Variants in CDS1 observed in about 807,000 individuals in gnomAD.
The protein encoded by CDS1 is phosphatidate cytidylyltransferase 1.
A neutral mutation model predicts 62.1 loss-of-function variants in CDS1; 41 were observed. The observed-to-expected ratio is 0.66, with a 90% CI of 0.51 to 0.86. The LOEUF (loss-of-function observed/expected upper bound fraction) is 0.86, where lower values mean the gene tolerates loss of function less well. Ranked by LOEUF, CDS1 falls within the 40% of genes least tolerant of loss-of-function variation. CDS1 has a pLI of 0.00. For missense variants in CDS1, 470 were observed against 550.1 expected (o/e 0.85, Z 1.46); for synonymous variants, 185 against 192.6 (o/e 0.96, Z 0.32).
At chr4:84,584,827 T>A (rs1294047279) in intron 1 of CDS1, among the ~76,000 whole-genome samples, 1 of 152,206 alleles carries the variant, frequency 6.6e-6, no homozygotes, top group Non-Finnish European at 1.5e-5. Flanking sequence ...ACCCAAAATA[T>A]AACAATTTCC....
intron 7 of CDS1, 30 bp from the exon 8 acceptor site, chr4:84,635,234 G>A (rs780249664): frequency 1.7e-6 from 2 of 1,148,282 alleles, no homozygotes; most frequent in African/African-American, 1.6e-5. Context: ...ACTTTTTTCT[G>A]CTGACTTTTT....
At position 84,583,466 on chromosome 4, in the gene CDS1, G is replaced by A. The variant is rs1485193726; in HGVS notation, c.65G>A (p.Arg22His). 3.8e-6 allele frequency: 6 copies of A among 1,578,320 alleles called. No homozygotes were observed. Among genetic ancestry groups the A allele is most frequent in the Middle Eastern group, 1.7e-4 (1 of 6,012 alleles). Residue 22 changes from arginine (R) to histidine (H), a missense_variant, in exon 1 of 13, where the codon CGC becomes CAC. This residue lies in a region of CDS1 where 150 missense variants were observed against 142.0 expected (regional missense o/e 1.06). Coordinates refer to ENST00000295887, the MANE Select transcript of CDS1 (RefSeq NM_001263.4). ...GPREAVSPPHREGEAAGGDHE... is the reference protein window; with the variant it reads ...GPREAVSPPHHEGEAAGGDHE... ...AGGGAAGCGGTGTCGCCGCCACACC[G>A]CGAGGGAGAGGCGGCCGGCGGCGAC... is the stretch of plus-strand genomic sequence containing the variant.
chr4:84,614,505 C>T lies in CDS1; in HGVS notation c.343-3059C>T, dbSNP rs544895542. On this transcript the variant is annotated intron_variant, in intron 3 of 12. Transcript: ENST00000295887. ...ATGAACATATTAGAACATAAATATG[C>T]TCTAACTTTATATGTGGGAGTATTT... 5.3e-5 allele frequency among the ~76,000 whole-genome samples: 8 copies of T among 152,040 alleles called. No individual in the cohort carries two copies. In the South Asian group the frequency reaches 1.2e-3, roughly 24 times the overall value.
intron 1 of CDS1, among the ~76,000 whole-genome samples, chr4:84,592,474 A>T (rs556704511): frequency 2.6e-5 from 4 of 152,214 alleles, no homozygotes; most frequent in Non-Finnish European, 4.4e-5. Context: ...TGCCCAGCCA[A>T]CCAATTGGTT....
chr4:84,591,798 T>C (rs1057407740), intron 1 of CDS1, among the ~76,000 whole-genome samples: 1 of 152,172 alleles, frequency 6.6e-6, no homozygotes, highest in Non-Finnish European at 1.5e-5. Flanking sequence ...ATCAGATGTG[T>C]GGTCCTAAAT....
intron 8 of CDS1, among the ~76,000 whole-genome samples, chr4:84,635,616 TGCCTGCCTGCCTTCCTTCCTTCCTTCC>T (rs1724165466): frequency 1.9e-5 from 2 of 106,044 alleles, no homozygotes; most frequent in Non-Finnish European, 3.9e-5. Flanking sequence ...CCTGCCTGCC[TGCCTGCCTGCCTTCCTTCCTTCCTTCC>T]TTCCTTCCTT....
At chr4:84,593,516 T>C (rs1722655671) in intron 1 of CDS1, among the ~76,000 whole-genome samples, 2 of 151,778 alleles carry the variant, frequency 1.3e-5, no homozygotes, top group Admixed American at 6.6e-5. Flanking sequence ...GTTTTTTTTT[T>C]CTCGTTTAGA....
intron 2 of CDS1, among the ~76,000 whole-genome samples, chr4:84,607,041 T>C (rs971355977): frequency 6.6e-6 from 1 of 152,194 alleles, no homozygotes; most frequent in African/African-American, 2.4e-5. Flanking sequence ...TGCCTCATGC[T>C]CATGCTCTCA....
intron 2 of CDS1, among the ~76,000 whole-genome samples, chr4:84,607,671 G>A (rs1232938050): frequency 6.6e-6 from 1 of 151,934 alleles, no homozygotes; most frequent in Non-Finnish European, 1.5e-5. Flanking sequence ...CAAGGCAGGA[G>A]GATCACTTGA....
intron 11 of CDS1, among the ~76,000 whole-genome samples, chr4:84,644,818 A>C (rs1161049908): frequency 6.6e-6 from 1 of 152,238 alleles, no homozygotes; most frequent in Non-Finnish European, 1.5e-5. Flanking sequence ...AGGATAAACA[A>C]GTTAGAACCA....
At position 84,649,002 on chromosome 4, in the gene CDS1, G is replaced by A; in HGVS notation, c.*316G>A. 1 of 185,240 alleles carries A rather than the reference G, an allele frequency of 5.4e-6. No individual in the cohort carries two copies. Among genetic ancestry groups the A allele is most frequent in the Non-Finnish European group, 1.1e-5 (1 of 90,026 alleles). The allele number at this position is 185,240 out of a possible 1,614,324, so 11.5% of individuals were successfully genotyped here. On this transcript the variant is annotated 3_prime_UTR_variant, in exon 13 of 13. Transcript: ENST00000295887. ...AAAAGAGTCAAACACTATAAAATGA[G>A]TAAGTTGACGATGTTTTAAGATTGC...
chr4:84,615,337 C>T (rs1293792075), intron 3 of CDS1, among the ~76,000 whole-genome samples: 6 of 152,036 alleles, frequency 3.9e-5, no homozygotes, highest in African/African-American at 1.4e-4. Context: ...CTTGTCACCG[C>T]CCCAGCCCAC....
chr4:84,602,283 T>C (rs547816090), intron 1 of CDS1, among the ~76,000 whole-genome samples: 1 of 152,204 alleles, frequency 6.6e-6, no homozygotes, highest in African/African-American at 2.4e-5. Context: ...AAAATAGAAA[T>C]CAGAAGCTTA....
chr4:84,609,392 G>A (rs1723244011), intron 2 of CDS1, 37 bp from the exon 3 acceptor site: 1 of 1,336,658 alleles, frequency 7.5e-7, no homozygotes, highest in African/African-American at 1.4e-5. Flanking sequence ...AAAACCTTAA[G>A]AACACGTTAA....
At chr4:84,646,746 T>G (rs543685824) in intron 12 of CDS1, among the ~76,000 whole-genome samples, 1 of 152,190 alleles carries the variant, frequency 6.6e-6, no homozygotes, top group South Asian at 2.1e-4. Flanking sequence ...TCTGTAGTTT[T>G]GGGTTGTAGT....
chr4:84,638,425 T>C (rs1294424186), intron 8 of CDS1, among the ~76,000 whole-genome samples: 3 of 152,196 alleles, frequency 2.0e-5, no homozygotes, highest in African/African-American at 4.8e-5. Context: ...TGTGTGTATA[T>C]AGCATATTAG....
At chr4:84,646,679 A>C (rs1271302720) in intron 12 of CDS1, among the ~76,000 whole-genome samples, 1 of 152,136 alleles carries the variant, frequency 6.6e-6, no homozygotes, top group Non-Finnish European at 1.5e-5. Context: ...TTTGAGATCT[A>C]TTCTGTGGTA....
intron 10 of CDS1, among the ~76,000 whole-genome samples, chr4:84,642,729 A>G (rs1578055441): frequency 6.6e-6 from 1 of 152,184 alleles, no homozygotes. Context: ...GATTCTTTGT[A>G]AGAAGTAAAG....
chr4:84,605,940 T>C (rs911174882), intron 2 of CDS1, among the ~76,000 whole-genome samples: 1 of 152,158 alleles, frequency 6.6e-6, no homozygotes, highest in Non-Finnish European at 1.5e-5. Flanking sequence ...GGACCCACAT[T>C]CTGAACCTAG....
Sources: gnomAD v4.1 joint callset for allele counts (sites outside exome capture counted in the v4.1 genomes callset) on GRCh38, gnomAD v4.1.1 for gene constraint, gnomAD v4.1.1 regional missense constraint, MANE v1.5 for transcripts, NCBI Gene and HGNC (gene_info 2026-07-23, HGNC 2026-07-21) for gene names.